Variants in CELF2 observed in about 807,000 individuals in gnomAD.
The protein encoded by CELF2 is CUGBP Elav-like family member 2, also known as CUG triplet repeat RNA-binding protein 2.
Under a neutral mutation model 62.6 loss-of-function variants are expected in CELF2, and 8 were observed. The observed-to-expected ratio is 0.13, with a 90% confidence interval of 0.07 to 0.23. The LOEUF (loss-of-function observed/expected upper bound fraction) is 0.23. Ranked by LOEUF, CELF2 falls within the 10% of genes least tolerant of loss-of-function variation. The pLI is 1.00. For synonymous variants in CELF2, 258 were observed against 250.0 expected, an observed-to-expected ratio of 1.03 and a Z score of -0.30; for missense variants, 333 against 671.0, an observed-to-expected ratio of 0.50 and a Z score of 5.56.
rs887873281 is a variant in CELF2, at chr10:11,290,752, C to T, written c.976+2200C>T. 2.6e-5 allele frequency among the ~76,000 whole-genome samples: 4 copies of T among 152,182 alleles called. No homozygotes were observed. Among genetic ancestry groups the T allele is most frequent in the Non-Finnish European group, 4.4e-5 (3 of 68,044 alleles). On this transcript the variant is annotated intron_variant, in intron 9 of 12. Transcript: ENST00000633077. This position sits in a 1 kb window ranked among gnomAD's most constrained non-coding sequence, Gnocchi z 4.3. ...AAGAGGCTTCTTGCCCTTCAGAACA[C>T]GCCGCTCGCTTAGGTGTCACTGAGA...
the CELF2 span, among the ~76,000 whole-genome samples, chr10:10,597,251 G>A: frequency 5.9e-5 from 9 of 152,212 alleles, no homozygotes; most frequent in South Asian, 2.1e-4. Flanking sequence ...GAATTCACTC[G>A]TGTAAATTAA....
the CELF2 span, among the ~76,000 whole-genome samples, chr10:10,775,814 T>A: frequency 1.8e-3 from 277 of 152,354 alleles, 1 homozygote; most frequent in South Asian, 0.013. Flanking sequence ...CTGGTTTCCA[T>A]GTACGTCTGC....
chr10:11,301,976 G>A (rs954646334), intron 9 of CELF2, among the ~76,000 whole-genome samples: 1 of 152,146 alleles, frequency 6.6e-6, no homozygotes, highest in Non-Finnish European at 1.5e-5. Flanking sequence ...CGCTGGAACC[G>A]CCTGCCCCTC....
chr10:10,956,813 A>G (rs1045800113), intron 2 of CELF2, among the ~76,000 whole-genome samples: 1 of 152,074 alleles, frequency 6.6e-6, no homozygotes, highest in South Asian at 2.1e-4. Context: ...GTGCACCTAT[A>G]GTCCCAGCTA....
the CELF2 span, among the ~76,000 whole-genome samples, chr10:10,699,758 T>C: frequency 1.3e-5 from 2 of 152,186 alleles, no homozygotes; most frequent in Non-Finnish European, 2.9e-5. Flanking sequence ...TTGTTGATCA[T>C]TGTAAAGATT....
intron 2 of CELF2, among the ~76,000 whole-genome samples, chr10:10,994,171 G>T (rs2053710254): frequency 6.6e-6 from 1 of 152,158 alleles, no homozygotes; most frequent in Non-Finnish European, 1.5e-5. Context: ...AGAAGCAATT[G>T]GAAGAAGGGG....
intron 2 of CELF2, among the ~76,000 whole-genome samples, chr10:10,988,593 A>C (rs544424819): frequency 1.3e-5 from 2 of 152,094 alleles, no homozygotes; most frequent in African/African-American, 2.4e-5. Flanking sequence ...AGTGCACTCA[A>C]ATCTCAGAAA....
Position 11,311,984 on chromosome 10 carries a change from A to G in CELF2, c.977-2155A>G, listed in dbSNP as rs193004466. Among the ~76,000 whole-genome samples the G allele has an allele frequency of 1.0e-3, 152 of 152,366 alleles. No homozygotes were observed. Among genetic ancestry groups the G allele is most frequent in the African/African-American group, 3.3e-3 (136 of 41,596 alleles). On this transcript the variant is annotated intron_variant, in intron 9 of 12. Coordinates refer to ENST00000633077, the MANE Select transcript of CELF2 (RefSeq NM_001326342.2). This position sits in a 1 kb window ranked among gnomAD's most constrained non-coding sequence, Gnocchi z 4.7. ...TTCCAAGCAGTGAAAATAAAAATCA[A>G]TCTAAACTTGGAAGCACCATAGTGA...
intron 2 of CELF2, among the ~76,000 whole-genome samples, chr10:11,213,898 C>G (rs952069091): frequency 6.6e-6 from 1 of 152,206 alleles, no homozygotes; most frequent in Admixed American, 6.5e-5. Context: ...ATGCTTTTGA[C>G]CCTTTTTCTT....
intron 1 of CELF2, among the ~76,000 whole-genome samples, chr10:10,900,795 C>T (rs2062882255): frequency 4.6e-5 from 7 of 152,120 alleles, no homozygotes; most frequent in Admixed American, 4.6e-4. Flanking sequence ...TGTCTTTCTG[C>T]AGACAGCATG....
chr10:10,696,546 C>G, the CELF2 span, among the ~76,000 whole-genome samples: 26,334 of 150,966 alleles, frequency 0.17, 2,881 homozygotes, highest in South Asian at 0.4. Flanking sequence ...TCGAGCTTCC[C>G]TGCTGCTTTG....
At chr10:10,681,367 G>T in the CELF2 span, among the ~76,000 whole-genome samples, 1 of 152,094 alleles carries the variant, frequency 6.6e-6, no homozygotes, top group Non-Finnish European at 1.5e-5. Context: ...CAACCGAGAT[G>T]AAATCAATGA....
the CELF2 span, among the ~76,000 whole-genome samples, chr10:10,669,899 C>CTTTTT: frequency 2.4e-5 from 2 of 84,214 alleles, no homozygotes; most frequent in African/African-American, 9.0e-5. Flanking sequence ...TCTTATATGC[C>CTTTTT]TTTTTTTTTT....
rs565827060 is a variant in CELF2, at chr10:11,203,576, G to A, written c.272-13849G>A. ...AGGCTTTATCGGGAACCAGAGGGGC[G>A]ACTCTGTCAAGACACCCCCTCTCCA... On this transcript the variant is annotated intron_variant, in intron 2 of 12. Coordinates refer to ENST00000633077, the MANE Select transcript of CELF2 (RefSeq NM_001326342.2). Among the ~76,000 whole-genome samples, 241 of 152,300 alleles carry A rather than the reference G, an allele frequency of 1.6e-3. 1 individual carries two copies. The highest frequency in any genetic ancestry group is 2.6e-3 in the Non-Finnish European group (180 of 68,030).
At chr10:10,742,720 C>T in the CELF2 span, among the ~76,000 whole-genome samples, 1 of 152,154 alleles carries the variant, frequency 6.6e-6, no homozygotes, top group South Asian at 2.1e-4. Flanking sequence ...TTGTGGCTTA[C>T]AGCATGGCTT....
At chr10:10,719,065 G>A in the CELF2 span, among the ~76,000 whole-genome samples, 3 of 147,524 alleles carry the variant, frequency 2.0e-5, no homozygotes, top group Admixed American at 6.8e-5. Context: ...GGGTTCAAGC[G>A]ATTCTTCTGC....
rs2064800568 is a variant in CELF2 at position 11,157,631 on chromosome 10, T to C, written c.75-7855T>C. Among the ~76,000 whole-genome samples the C allele has an allele frequency of 6.6e-6, 1 of 152,220 alleles. No individual in the cohort carries two copies. The highest frequency in any genetic ancestry group is 1.5e-5 in the Non-Finnish European group (1 of 68,042). On this transcript the variant is annotated intron_variant, in intron 1 of 12. Transcript: ENST00000633077. This position sits in a 1 kb window ranked among gnomAD's most constrained non-coding sequence, Gnocchi z 4.9. ...CAGAAGGACATAAATGACCTATTTT[T>C]CAGCTCTCTCACCTTCAAACCTACC...
intron 2 of CELF2, among the ~76,000 whole-genome samples, chr10:10,973,367 C>T (rs1564290854): frequency 6.6e-6 from 1 of 152,092 alleles, no homozygotes; most frequent in Non-Finnish European, 1.5e-5. Flanking sequence ...GCACCCCACG[C>T]CTGACATCCC....
chr10:10,893,504 G>C (rs1181283042), intron 1 of CELF2, among the ~76,000 whole-genome samples: 1 of 152,186 alleles, frequency 6.6e-6, no homozygotes, highest in Admixed American at 6.5e-5. Flanking sequence ...TTCGTCTACT[G>C]TACAGGGTCC....
Sources: gnomAD v4.1 joint callset for allele counts (sites outside exome capture counted in the v4.1 genomes callset) on GRCh38, gnomAD v4.1.1 for gene constraint, Gnocchi (gnomAD v3.1) non-coding constraint, MANE v1.5 for transcripts, NCBI Gene and HGNC (gene_info 2026-07-23, HGNC 2026-07-21) for gene names.